DBH: variants seen among roughly 807,000 people sequenced by gnomAD.
The protein encoded by DBH is dopamine beta-hydroxylase (dopamine beta-monooxygenase).
DBH carries 49 observed loss-of-function variants against 64.0 expected under a neutral mutation model. That is an observed-to-expected ratio of 0.77 (90% CI 0.61 to 0.97). DBH has a LOEUF of 0.97. Ranked by LOEUF, DBH falls within the 50% of genes least tolerant of loss-of-function variation. The pLI, the probability that DBH is intolerant of heterozygous loss-of-function variation, is 0.00. For synonymous variants in DBH, 343 were observed against 347.1 expected (o/e 0.99, Z 0.13); for missense variants, 828 against 826.6 (o/e 1.00, Z -0.02).
rs1033995266 is a variant in DBH, at chr9:133,657,369, C to T, written c.1722+140C>T. 19 of 961,572 alleles carry T rather than the reference C, an allele frequency of 2.0e-5. No homozygotes were observed. In the African/African-American group the frequency reaches 2.3e-4, roughly 12 times the overall value. The allele number at this position is 961,572 out of a possible 1,614,324, so 59.6% of individuals were successfully genotyped here. Reference sequence around the variant, plus strand: ...AATGAGAGCAAGTGCCAGGTGGTGACACATAGGCCTAGACAGCCAGCCAGC... The same window carrying T: ...AATGAGAGCAAGTGCCAGGTGGTGATACATAGGCCTAGACAGCCAGCCAGC... On this transcript the variant is annotated intron_variant, in intron 11 of 11. Transcript: ENST00000393056.
intron 11 of DBH, among the ~76,000 whole-genome samples, 168 bp from the exon 12 acceptor site, chr9:133,658,148 C>G (rs2131297283): frequency 6.6e-6 from 1 of 152,176 alleles, no homozygotes; most frequent in South Asian, 2.1e-4. Context: ...GGGGCATTTA[C>G]TGAGGTGAGG....
Position 133,648,031 on chromosome 9 carries a change from G to T in DBH, c.1191+19G>T. Reference sequence around the variant, plus strand: ...CCAGCTGGTGAGTGGGGCTGGGCCCGGCACTGCACCCTCCCTCCTCCCGCG... The same window carrying T: ...CCAGCTGGTGAGTGGGGCTGGGCCCTGCACTGCACCCTCCCTCCTCCCGCG... On this transcript the variant is annotated intron_variant, in intron 6 of 11. Transcript: ENST00000393056. 1 of 1,605,360 alleles carries T rather than the reference G, an allele frequency of 6.2e-7. No homozygotes were observed. The highest frequency in any genetic ancestry group is 8.5e-7 in the Non-Finnish European group (1 of 1,177,602).
At chr9:133,650,640 C>T (rs899636657) in intron 6 of DBH, among the ~76,000 whole-genome samples, 30 of 151,128 alleles carry the variant, frequency 2.0e-4, no homozygotes, top group African/African-American at 6.8e-4. Flanking sequence ...CTCTGCCTCC[C>T]GGGTTCAAGT....
intron 1 of DBH, among the ~76,000 whole-genome samples, chr9:133,638,115 T>A (rs538783006): frequency 1.3e-5 from 2 of 152,218 alleles, no homozygotes; most frequent in Admixed American, 1.3e-4. Context: ...GGAAGCCAGG[T>A]GACTTTGCCT....
intron 9 of DBH, chr9:133,656,309 C>T (rs755941711): frequency 3.2e-5 from 19 of 593,328 alleles, no homozygotes; most frequent in African/African-American, 5.5e-5. Context: ...GTACCTGATA[C>T]GAATTTCCTG....
rs529387697 is a variant in DBH at position 133,636,803 on chromosome 9, A to G, written c.339+93A>G. 54 of 1,213,716 alleles carry G rather than the reference A, an allele frequency of 4.4e-5. No individual in the cohort carries two copies. In the African/African-American group the frequency reaches 6.4e-4, roughly 14 times the overall value. 75.2% of individuals were successfully genotyped at this position (1,213,716 alleles called of 1,614,324 possible). On this transcript the variant is annotated intron_variant, in intron 1 of 11. Coordinates refer to ENST00000393056, the MANE Select transcript of DBH (RefSeq NM_000787.4). The stretch of plus-strand genomic sequence containing the variant: ...TGCACTCACCCTCCTTAACCCAGAA[A>G]GTTCTTCTGTCACCTGTCAGTGTTT...
rs764026303 is a variant in DBH, at chr9:133,656,645, C to G, written c.1557C>G (p.Ile519Met). ...AGFLQKYFHL[I>M]NRFNNEDVCT... ...TCCTGCAGAAGTACTTCCACCTCATCAACAGGTGAGGGCTCCCTGCACAAG... is the reference window on the plus strand; with the variant it reads ...TCCTGCAGAAGTACTTCCACCTCATGAACAGGTGAGGGCTCCCTGCACAAG... The change falls in exon 10 of 12, where the codon ATC becomes ATG. Residue 519 changes from isoleucine to methionine, a missense_variant. Coordinates refer to ENST00000393056, the MANE Select transcript of DBH (RefSeq NM_000787.4). 2 of 1,612,236 alleles carry G rather than the reference C, an allele frequency of 1.2e-6. No individual in the cohort carries two copies. The highest frequency in any genetic ancestry group is 1.7e-6 in the Non-Finnish European group (2 of 1,179,980).
chr9:133,640,369 C>T (rs1386968543), intron 2 of DBH, among the ~76,000 whole-genome samples: 1 of 152,166 alleles, frequency 6.6e-6, no homozygotes, highest in African/African-American at 2.4e-5. Context: ...CCTGGCTTTC[C>T]ATCCCGGCCC....
Position 133,657,184 on chromosome 9 carries a change from G to A in DBH, c.1677G>A (p.Ala559=), listed in dbSNP as rs370813383. ...RDVLKALYSF[A]PISMHCNKSS... ...TACTGAAGGCCCTGTACAGCTTCGCGCCCATCTCCATGCACTGCAACAAGT... is the reference window on the plus strand; with the variant it reads ...TACTGAAGGCCCTGTACAGCTTCGCACCCATCTCCATGCACTGCAACAAGT... The change falls in exon 11 of 12, where the codon GCG becomes GCA. Residue 559 remains alanine, a synonymous_variant. Transcript: ENST00000393056. 1.7e-5 allele frequency: 28 copies of A among 1,614,014 alleles called. No individual in the cohort carries two copies. In the Admixed American group the frequency reaches 2.5e-4, roughly 14 times the overall value.
At chr9:133,651,175 C>T (rs552595582) in intron 6 of DBH, among the ~76,000 whole-genome samples, 15 of 152,372 alleles carry the variant, frequency 9.8e-5, no homozygotes, top group Admixed American at 2.0e-4. Flanking sequence ...AGGTCCTGCT[C>T]GGCCCACCAC....
At chr9:133,649,985 C>T (rs539658693) in intron 6 of DBH, among the ~76,000 whole-genome samples, 1 of 152,364 alleles carries the variant, frequency 6.6e-6, no homozygotes, top group South Asian at 2.1e-4. Flanking sequence ...CAAAATCTGG[C>T]CTAGTCTAGC....
At chr9:133,650,162 G>A (rs7864658) in intron 6 of DBH, among the ~76,000 whole-genome samples, 79,491 of 151,956 alleles carry the variant, frequency 0.52, 21,201 homozygotes, top group East Asian at 0.87. Flanking sequence ...CTGGCACACA[G>A]TGGCCTCTCA....
chr9:133,642,608 C>A, intron 3 of DBH, 144 bp downstream of exon 3: 1 of 1,018,272 alleles, frequency 9.8e-7, no homozygotes, highest in Non-Finnish European at 1.5e-6. Context: ...CCTGCCTGAG[C>A]AGGGGAGCAG....
chr9:133,639,397 C>G (rs1266886399), intron 1 of DBH, among the ~76,000 whole-genome samples: 1 of 152,178 alleles, frequency 6.6e-6, no homozygotes, highest in African/African-American at 2.4e-5. Context: ...CTGTTCCCAA[C>G]TCTCCCCTTT....
At chr9:133,642,034 C>T (rs1373515692) in intron 2 of DBH, among the ~76,000 whole-genome samples, 173 bp from the exon 3 acceptor site, 13 of 152,310 alleles carry the variant, frequency 8.5e-5, no homozygotes, top group South Asian at 4.1e-4. Flanking sequence ...GTCGTCAGCC[C>T]GGGATTTGGC....
Position 133,657,444 on chromosome 9 carries a change from AGAGAGAG to A in DBH, c.1722+224_1722+230del, listed in dbSNP as rs755838283. On this transcript the variant is annotated intron_variant, in intron 11 of 11. Transcript: ENST00000393056. Reference sequence around the variant, plus strand: ...AGAGAGGAGAGAGAGGAGAGAGAGGAGAGAGAGGAGAGAGGGAGAGGGAGAGAGGGAG... The same window carrying A: ...AGAGAGGAGAGAGAGGAGAGAGAGGAGAGAGAGGGAGAGGGAGAGAGGGAG... 587 of 386,932 alleles carry A rather than the reference AGAGAGAG, an allele frequency of 1.5e-3. 8 individuals carry two copies. The highest frequency in any genetic ancestry group is 3.1e-3 in the Admixed American group (78 of 25,364). 24.0% of individuals were successfully genotyped at this position (386,932 alleles called of 1,614,324 possible).
In DBH at chr9:133,643,399, C is replaced by A; in HGVS notation, c.745-14C>A. The stretch of plus-strand genomic sequence containing the variant: ...GCGGCCGGTTCCCGGGCTCAGAGGG[C>A]TGCCTCCTCACAGTACGAGCCCATC... On this transcript the variant is annotated splice_polypyrimidine_tract_variant and intron_variant, in intron 3 of 11. Coordinates refer to ENST00000393056, the MANE Select transcript of DBH (RefSeq NM_000787.4). This position sits in a 1 kb window ranked among gnomAD's most constrained non-coding sequence, Gnocchi z 5.3. The A allele has an allele frequency of 6.2e-7, 1 of 1,613,654 alleles. No homozygotes were observed. Among genetic ancestry groups the A allele is most frequent in the Middle Eastern group, 1.6e-4 (1 of 6,062 alleles).
chr9:133,638,808 T>C (rs2131282722), intron 1 of DBH, among the ~76,000 whole-genome samples: 1 of 152,286 alleles, frequency 6.6e-6, no homozygotes, highest in Middle Eastern at 3.4e-3. Flanking sequence ...AGGGCCCTTC[T>C]TGAGTACGAA....
chr9:133,647,813 C>A (rs772538156), intron 5 of DBH, 33 bp from the exon 6 acceptor site: 1 of 1,613,836 alleles, frequency 6.2e-7, no homozygotes, highest in South Asian at 1.1e-5. Flanking sequence ...CCTCCACTTA[C>A]CGCTCACCTC....
Sources: allele counts gnomAD v4.1 joint callset (sites outside exome capture counted in the v4.1 genomes callset), GRCh38; gene constraint gnomAD v4.1.1; non-coding constraint Gnocchi (gnomAD v3.1); transcripts MANE v1.5; gene names NCBI Gene and HGNC (gene_info 2026-07-23, HGNC 2026-07-21).